The following SLCO3A1 variants were observed in gnomAD, a reference collection of about 807,000 sequenced individuals.
SLCO3A1 encodes PGE1 transporter.
SLCO3A1 carries 27 observed loss-of-function variants against 63.1 expected under a neutral mutation model. The observed-to-expected ratio is 0.43, with a 90% CI of 0.32 to 0.59. The LOEUF (loss-of-function observed/expected upper bound fraction) is 0.59. Among genes scored for constraint, SLCO3A1 ranks in the 20% least tolerant of loss-of-function variants. SLCO3A1 has a pLI of 0.09. For synonymous variants in SLCO3A1, 473 were observed against 409.9 expected, an observed-to-expected ratio of 1.15 and a Z score of -1.86; for missense variants, 773 against 945.8, an observed-to-expected ratio of 0.82 and a Z score of 2.40.
chr15:92,011,056 A>G (rs1315135189), intron 2 of SLCO3A1, among the ~76,000 whole-genome samples: 1 of 152,176 alleles, frequency 6.6e-6, no homozygotes, highest in African/African-American at 2.4e-5. Context: ...CAGAATCCTC[A>G]CAATAGCCTT....
intron 2 of SLCO3A1, among the ~76,000 whole-genome samples, chr15:91,995,608 G>A (rs941560094): frequency 6.6e-6 from 1 of 152,072 alleles, no homozygotes; most frequent in Non-Finnish European, 1.5e-5. Flanking sequence ...TCCCTAGTGG[G>A]GAGAGCAGAC....
chr15:91,882,523 T>C lies in SLCO3A1; in HGVS notation c.180+28435T>C, dbSNP rs1171987476. 2.6e-5 allele frequency among the ~76,000 whole-genome samples: 4 copies of C among 152,006 alleles called. No individual in the cohort carries two copies. The highest frequency in any genetic ancestry group is 5.9e-5 in the Non-Finnish European group (4 of 67,998). On this transcript the variant is annotated intron_variant, in intron 1 of 9. Coordinates refer to ENST00000318445, the MANE Select transcript of SLCO3A1 (RefSeq NM_013272.4). This position sits in a 1 kb window ranked among gnomAD's most constrained non-coding sequence, Gnocchi z 4.4. ...CCACCCCCACTATGTATGACTTCTT[T>C]TTTTTCCTTGAGATGGAGTTTCACT...
In SLCO3A1 at chr15:92,163,746, C is replaced by CA. The variant is rs1238403519; in HGVS notation, c.*613dup. ...CGACTCACCCAGTCTGCATGTGGTT[C>CA]AAGGCCCCAGAGTTCTCTCAGTGAT... On this transcript the variant is annotated 3_prime_UTR_variant, in exon 10 of 10. Transcript: ENST00000318445. 7.1e-6 allele frequency: 7 copies of CA among 985,382 alleles called. No individual in the cohort carries two copies. In the East Asian group the frequency reaches 8.0e-4, roughly 112 times the overall value. 61.0% of individuals were successfully genotyped at this position (985,382 alleles called of 1,614,324 possible). A position where few individuals can be genotyped will look rare whatever the true frequency, so the allele number is the denominator to read the frequency against.
chr15:92,018,649 G>T (rs754538846), intron 2 of SLCO3A1, among the ~76,000 whole-genome samples: 4 of 152,238 alleles, frequency 2.6e-5, no homozygotes, highest in African/African-American at 4.8e-5. Context: ...GGAGAAGTGA[G>T]GCAGGAGGGA....
At chr15:92,146,329 T>C (rs1350362963) in intron 7 of SLCO3A1, among the ~76,000 whole-genome samples, 1 of 152,202 alleles carries the variant, frequency 6.6e-6, no homozygotes, top group East Asian at 1.9e-4. Flanking sequence ...CTTTCTTCTC[T>C]CTGATCATAT....
At chr15:92,025,037 C>G (rs116502535) in intron 2 of SLCO3A1, among the ~76,000 whole-genome samples, 2 of 152,158 alleles carry the variant, frequency 1.3e-5, no homozygotes, top group Non-Finnish European at 2.9e-5. Context: ...GTCTATCCAT[C>G]CATGCATCTA....
At chr15:92,143,654 T>TTTC (rs1567143422) in intron 7 of SLCO3A1, among the ~76,000 whole-genome samples, 1 of 141,262 alleles carries the variant, frequency 7.1e-6, no homozygotes. Flanking sequence ...CTCCTGGTTT[T>TTTC]TGTTAAGTTG....
Position 91,916,168 on chromosome 15 carries a change from G to A in SLCO3A1, c.356G>A (p.Gly119Asp), listed in dbSNP as rs1441208838. 1 of 1,604,476 alleles carries A rather than the reference G, an allele frequency of 6.2e-7. No homozygotes were observed. The highest frequency in any genetic ancestry group is 8.5e-7 in the Non-Finnish European group (1 of 1,177,642). ...TGCGGCGGCATCGTCATGGCGCTGG[G>A]CGCGCTGCTGTCGGCGCTGCCCGAG... is the stretch of plus-strand genomic sequence containing the variant. Reference protein sequence around the residue: ...IGCGGIVMALGALLSALPEFL... With the variant: ...IGCGGIVMALDALLSALPEFL... Residue 119 changes from glycine to aspartate, a missense_variant, in exon 2 of 10, where the codon GGC becomes GAC. By Grantham distance (94) the Gly-to-Asp change is moderately conservative. Transcript: ENST00000318445. This position sits in a 1 kb window ranked among gnomAD's most constrained non-coding sequence, Gnocchi z 6.2.
chr15:91,924,693 C>T (rs1406288256), intron 2 of SLCO3A1, among the ~76,000 whole-genome samples: 1 of 152,180 alleles, frequency 6.6e-6, no homozygotes, highest in African/African-American at 2.4e-5. Context: ...GTGAGGGTAA[C>T]ACCACTGCTG....
intron 2 of SLCO3A1, among the ~76,000 whole-genome samples, chr15:91,979,343 T>C (rs1597182156): frequency 6.6e-6 from 1 of 152,236 alleles, no homozygotes; most frequent in Non-Finnish European, 1.5e-5. Context: ...ACTAATTTTG[T>C]GCATGGAACA....
At chr15:92,050,919 A>G (rs2046949259) in intron 2 of SLCO3A1, among the ~76,000 whole-genome samples, 1 of 152,014 alleles carries the variant, frequency 6.6e-6, no homozygotes, top group Non-Finnish European at 1.5e-5. Context: ...ACTTTCACGC[A>G]TGCTTTTCCC....
intron 2 of SLCO3A1, among the ~76,000 whole-genome samples, chr15:91,970,296 C>G (rs1944323865): frequency 6.6e-6 from 1 of 152,192 alleles, no homozygotes. Flanking sequence ...TCTTTGGGCT[C>G]TGTTTCTAAA....
chr15:92,087,812 C>G (rs2047425154), intron 2 of SLCO3A1, among the ~76,000 whole-genome samples: 1 of 152,200 alleles, frequency 6.6e-6, no homozygotes, highest in African/African-American at 2.4e-5. Context: ...AGCCACCACG[C>G]CCAGCCCCAT....
chr15:92,016,254 T>TAGATGA, intron 2 of SLCO3A1, among the ~76,000 whole-genome samples: 4 of 95,658 alleles, frequency 4.2e-5, no homozygotes, highest in African/African-American at 1.6e-4. Flanking sequence ...GATAGATAGA[T>TAGATGA]TAGATAGATA....
At chr15:92,114,445 C>A (rs2047767477) in intron 4 of SLCO3A1, among the ~76,000 whole-genome samples, 1 of 152,122 alleles carries the variant, frequency 6.6e-6, no homozygotes, top group Admixed American at 6.5e-5. Flanking sequence ...TGGCTTCTGG[C>A]TTGGGAGATG....
At chr15:92,026,905 A>T (rs1417533278) in intron 2 of SLCO3A1, among the ~76,000 whole-genome samples, 1 of 152,204 alleles carries the variant, frequency 6.6e-6, no homozygotes, top group Non-Finnish European at 1.5e-5. Flanking sequence ...CCTGGCCAAC[A>T]TGGTGAAACC....
At chr15:91,910,712 T>C (rs1898458190) in intron 1 of SLCO3A1, among the ~76,000 whole-genome samples, 1 of 152,234 alleles carries the variant, frequency 6.6e-6, no homozygotes. Context: ...TGCTCTGGTG[T>C]AAACATCCAT....
intron 2 of SLCO3A1, among the ~76,000 whole-genome samples, chr15:91,949,448 GGC>G (rs1771010853): frequency 6.6e-6 from 1 of 150,630 alleles, no homozygotes; most frequent in Admixed American, 6.6e-5. Flanking sequence ...TGGTCAACAT[GGC>G]GAAACCCCAT....
At chr15:92,077,245 G>C (rs535031181) in intron 2 of SLCO3A1, among the ~76,000 whole-genome samples, 1 of 152,286 alleles carries the variant, frequency 6.6e-6, no homozygotes, top group East Asian at 1.9e-4. Flanking sequence ...TGGGGACACA[G>C]CGAAACCATA....
Sources: allele counts gnomAD v4.1 joint callset (sites outside exome capture counted in the v4.1 genomes callset), GRCh38; gene constraint gnomAD v4.1.1; non-coding constraint Gnocchi (gnomAD v3.1); transcripts MANE v1.5; gene names NCBI Gene and HGNC (gene_info 2026-07-23, HGNC 2026-07-21).